The following ATP6V1H variants were observed in gnomAD, a reference collection of about 807,000 sequenced individuals.
ATP6V1H encodes V-type proton ATPase subunit H.
A neutral mutation model predicts 71.7 loss-of-function variants in ATP6V1H; 39 were observed. The ratio of observed to expected loss-of-function variants is 0.54; its 90% CI spans 0.42 to 0.71. ATP6V1H has a LOEUF of 0.71. Ranked by LOEUF, ATP6V1H falls within the 30% of genes least tolerant of loss-of-function variation. The pLI is 0.00. For synonymous variants in ATP6V1H, 192 were observed against 199.3 expected (o/e 0.96, Z 0.31); for missense variants, 509 against 594.9 (o/e 0.86, Z 1.50).
At chr8:53,839,609 T>C (rs1280006186) in intron 2 of ATP6V1H, 1 of 985,388 alleles carries the variant, frequency 1.0e-6, no homozygotes, top group Non-Finnish European at 1.2e-6. Flanking sequence ...TCTAGACTTA[T>C]CACCTACAAA....
At chr8:53,840,249 G>A (rs1272582202) in intron 2 of ATP6V1H, among the ~76,000 whole-genome samples, 16 of 152,142 alleles carry the variant, frequency 1.1e-4, no homozygotes, top group Admixed American at 1.0e-3. Flanking sequence ...TGTAATCCCA[G>A]CACTTTGGGA....
chr8:53,812,608 T>C (rs535373308), intron 6 of ATP6V1H, among the ~76,000 whole-genome samples: 3 of 152,324 alleles, frequency 2.0e-5, no homozygotes, highest in Admixed American at 2.0e-4. Flanking sequence ...CCCTACCAAT[T>C]TTCATTTTAT....
At chr8:53,743,478 T>C (rs1713787472) in intron 13 of ATP6V1H, 99 bp downstream of exon 13, 2 of 831,420 alleles carry the variant, frequency 2.4e-6, no homozygotes, top group African/African-American at 3.4e-5. Flanking sequence ...TAACTAATTT[T>C]AAAAATGATC....
intron 5 of ATP6V1H, among the ~76,000 whole-genome samples, chr8:53,816,720 C>T (rs1044312596): frequency 5.9e-5 from 9 of 151,842 alleles, no homozygotes; most frequent in South Asian, 2.1e-4. Context: ...CGCTTGAACC[C>T]GGGAGGCGGA....
At chr8:53,735,324 C>A (rs975573902) in intron 13 of ATP6V1H, among the ~76,000 whole-genome samples, 1 of 152,150 alleles carries the variant, frequency 6.6e-6, no homozygotes, top group Non-Finnish European at 1.5e-5. Context: ...CCTTACGAAT[C>A]GCCTCAGATA....
chr8:53,728,913 C>T (rs1806916704), intron 13 of ATP6V1H, among the ~76,000 whole-genome samples: 1 of 152,368 alleles, frequency 6.6e-6, no homozygotes, highest in East Asian at 1.9e-4. Flanking sequence ...GGTCCTCCCA[C>T]TAACAGATTC....
chr8:53,760,261 C>T (rs551860004), intron 11 of ATP6V1H, among the ~76,000 whole-genome samples: 1 of 152,304 alleles, frequency 6.6e-6, no homozygotes, highest in Admixed American at 6.5e-5. Context: ...ATATGACCTT[C>T]CTCTAGGAAT....
At chr8:53,790,715 G>A (rs533802463) in intron 9 of ATP6V1H, among the ~76,000 whole-genome samples, 1 of 152,232 alleles carries the variant, frequency 6.6e-6, no homozygotes, top group South Asian at 2.1e-4. Flanking sequence ...GTAGTGAGGA[G>A]GGCCAAGCAT....
At chr8:53,751,427 G>C (rs965883888) in intron 12 of ATP6V1H, among the ~76,000 whole-genome samples, 1 of 152,200 alleles carries the variant, frequency 6.6e-6, no homozygotes, top group African/African-American at 2.4e-5. Context: ...CCATGCTACT[G>C]TTGAAATAGT....
rs147926094 is a variant in ATP6V1H at position 53,763,332 on chromosome 8, C to T, written c.1175+6286G>A. On this transcript the variant is annotated intron_variant, in intron 11 of 13. Coordinates refer to ENST00000359530, the MANE Select transcript of ATP6V1H (RefSeq NM_015941.4). ...TAATTGAAAAAGAAGAAAACAACTT[C>T]ATTTACAATAGCATCAAAAGGACAA... is the stretch of plus-strand genomic sequence containing the variant. Among the ~76,000 whole-genome samples, 123 of 152,282 alleles carry T rather than the reference C, an allele frequency of 8.1e-4. 1 individual carries two copies. The highest frequency in any genetic ancestry group is 2.8e-3 in the African/African-American group (117 of 41,566).
At chr8:53,767,847 C>G (rs1013751291) in intron 11 of ATP6V1H, among the ~76,000 whole-genome samples, 58 of 152,142 alleles carry the variant, frequency 3.8e-4, no homozygotes, top group African/African-American at 1.3e-3. Flanking sequence ...AATGTAAGAA[C>G]TAAATCTATA....
chr8:53,819,225 T>TA (rs1810552214), intron 4 of ATP6V1H, among the ~76,000 whole-genome samples: 1 of 149,978 alleles, frequency 6.7e-6, no homozygotes, highest in African/African-American at 2.5e-5. Context: ...AAAATAAAAT[T>TA]AAAAAAATAA....
At chr8:53,774,791 A>T (rs1808802939) in intron 9 of ATP6V1H, among the ~76,000 whole-genome samples, 1 of 152,208 alleles carries the variant, frequency 6.6e-6, no homozygotes, top group Non-Finnish European at 1.5e-5. Context: ...AAATTCAGGT[A>T]AAACTCAGCC....
chr8:53,779,367 C>T (rs1809012452), intron 9 of ATP6V1H, among the ~76,000 whole-genome samples: 1 of 151,722 alleles, frequency 6.6e-6, no homozygotes, highest in African/African-American at 2.4e-5. Context: ...TTAAAAAGAC[C>T]AGTAACTTTC....
chr8:53,763,990 G>T (rs909543863), intron 11 of ATP6V1H, among the ~76,000 whole-genome samples: 4 of 152,250 alleles, frequency 2.6e-5, no homozygotes, highest in Non-Finnish European at 4.4e-5. Context: ...CTAAGGAGAA[G>T]TGGATAATCT....
At chr8:53,838,452 T>C (rs1036522767) in intron 2 of ATP6V1H, among the ~76,000 whole-genome samples, 3 of 152,150 alleles carry the variant, frequency 2.0e-5, no homozygotes, top group African/African-American at 7.2e-5. Flanking sequence ...CTGTGAAAAT[T>C]CCCCCAATAC....
intron 7 of ATP6V1H, among the ~76,000 whole-genome samples, chr8:53,803,767 T>C (rs1735340568): frequency 6.6e-6 from 1 of 152,178 alleles, no homozygotes; most frequent in Non-Finnish European, 1.5e-5. Context: ...CAACATTCCA[T>C]AATGAAAAAA....
chr8:53,818,063 T>C (rs977298465), intron 4 of ATP6V1H, among the ~76,000 whole-genome samples: 2 of 152,210 alleles, frequency 1.3e-5, no homozygotes, highest in Non-Finnish European at 2.9e-5. Flanking sequence ...CCAGTGGACA[T>C]AGGATCTGAG....
At chr8:53,770,872 C>T (rs1039852230) in intron 10 of ATP6V1H, among the ~76,000 whole-genome samples, 5 of 152,136 alleles carry the variant, frequency 3.3e-5, no homozygotes, top group African/African-American at 9.7e-5. Flanking sequence ...GCTGTGAAGC[C>T]TATTCCTGGC....
Sources: gnomAD v4.1 joint callset for allele counts (sites outside exome capture counted in the v4.1 genomes callset) on GRCh38, gnomAD v4.1.1 for gene constraint, MANE v1.5 for transcripts, NCBI Gene and HGNC (gene_info 2026-07-23, HGNC 2026-07-21) for gene names.